Variants in COL18A1 observed in about 807,000 individuals in gnomAD.
COL18A1 encodes collagen alpha-1(XVIII) chain.
Under a neutral mutation model 168.0 loss-of-function variants are expected in COL18A1, and 133 were observed. The observed-to-expected ratio is 0.79, with a 90% CI of 0.69 to 0.91. The LOEUF (loss-of-function observed/expected upper bound fraction) is 0.91, where lower values mean the gene tolerates loss of function less well. Among genes scored for constraint, COL18A1 ranks in the 40% least tolerant of loss-of-function variants. COL18A1 has a pLI of 0.00. For missense variants in COL18A1, 2,126 were observed against 1,925.4 expected, an observed-to-expected ratio of 1.10 and a Z score of -1.95; for synonymous variants, 949 against 809.0, an observed-to-expected ratio of 1.17 and a Z score of -2.94.
At chr21:45,479,025 A>T (rs774469345) in intron 9 of COL18A1, among the ~76,000 whole-genome samples, 1 of 152,150 alleles carries the variant, frequency 6.6e-6, no homozygotes, top group Non-Finnish European at 1.5e-5. Flanking sequence ...GACAAAGGAC[A>T]GTCGGCTGGG....
chr21:45,493,977 T>A (rs1370870372), intron 26 of COL18A1: 1 of 277,294 alleles, frequency 3.6e-6, no homozygotes, highest in African/African-American at 2.2e-5. Context: ...GGGCCCGGAG[T>A]CAGTTCCTCA....
At position 45,490,840 on chromosome 21, in the gene COL18A1, C is replaced by A. The variant is rs1303924230; in HGVS notation, c.2036C>A (p.Pro679Gln). ...ATTTCCTTCCTGTCTCTCCAGGGGC[C>A]AAAGGGAGACAGAGGCAGCCGGGGA... ...GREGIAGPQG[P>Q]KGDRGSRGEK... The change falls in exon 21 of 42, where the codon CCA becomes CAA. Residue 679 changes from proline to glutamine, a missense_variant. Pro to Gln is a moderately conservative substitution (Grantham distance 76). Coordinates refer to ENST00000651438, the MANE Select transcript of COL18A1 (RefSeq NM_001379500.1). 1.9e-6 allele frequency: 3 copies of A among 1,550,102 alleles called. No individual in the cohort carries two copies. In the East Asian group the frequency reaches 7.3e-5, roughly 38 times the overall value.
In COL18A1 at chr21:45,512,864, A is replaced by G; in HGVS notation, c.*466A>G. The G allele has an allele frequency of 3.9e-6, 1 of 258,946 alleles. No individual in the cohort carries two copies. Among genetic ancestry groups the G allele is most frequent in the South Asian group, 4.2e-5 (1 of 23,542 alleles). 16.0% of individuals were successfully genotyped at this position (258,946 alleles called of 1,614,324 possible). ...GGGAGCTGAGGCCACACTCAGCACA[A>G]GGCCATCTGGGCTCCTCCAGGGTGT... On this transcript the variant is annotated 3_prime_UTR_variant, in exon 42 of 42. Coordinates refer to ENST00000651438, the MANE Select transcript of COL18A1 (RefSeq NM_001379500.1).
At chr21:45,503,933 C>T in intron 32 of COL18A1, 78 bp from the exon 33 acceptor site, 1 of 1,535,710 alleles carries the variant, frequency 6.5e-7, no homozygotes, top group Non-Finnish European at 9.0e-7. Context: ...GCAAACCCAC[C>T]AGTGCTGGGG....
chr21:45,494,543 A>G lies in COL18A1; in HGVS notation c.2353-2A>G. 6.2e-7 allele frequency: 1 copy of G among 1,613,352 alleles called. No individual in the cohort carries two copies. Among genetic ancestry groups the G allele is most frequent in the Non-Finnish European group, 8.5e-7 (1 of 1,179,954 alleles). On this transcript the variant is annotated splice_acceptor_variant, in intron 26 of 41. Coordinates refer to ENST00000651438, the MANE Select transcript of COL18A1 (RefSeq NM_001379500.1). LOFTEE classifies it high-confidence loss of function. ...ACCCTGTCTTCTTGTTTTTTTGCTC[A>G]GGGAGAGCCGGGCTTCCGAGGACCC...
At position 45,498,095 on chromosome 21, in the gene COL18A1, C is replaced by T; in HGVS notation, c.2683+434C>T. ...CAGGCCGTCTGGAGGGTGAGCCCAGCACCCCTGCTCCCCCAAAGGACAAGA... is the reference window on the plus strand; with the variant it reads ...CAGGCCGTCTGGAGGGTGAGCCCAGTACCCCTGCTCCCCCAAAGGACAAGA... On this transcript the variant is annotated intron_variant, in intron 32 of 41. Transcript: ENST00000651438. This position sits in a 1 kb window ranked among gnomAD's most constrained non-coding sequence, Gnocchi z 4.5. 3.2e-6 allele frequency: 2 copies of T among 617,518 alleles called. No individual in the cohort carries two copies. The highest frequency in any genetic ancestry group is 3.8e-5 in the South Asian group (2 of 52,944). The allele number at this position is 617,518 out of a possible 1,614,324, so 38.3% of individuals were successfully genotyped here. A position where few individuals can be genotyped will look rare whatever the true frequency, so the allele number is the denominator to read the frequency against.
intron 6 of COL18A1, 143 bp from the exon 7 acceptor site, chr21:45,477,268 G>A (rs549200451): frequency 2.1e-5 from 14 of 682,872 alleles, no homozygotes; most frequent in Middle Eastern, 3.8e-4. Context: ...AGGGGAGTGC[G>A]GCCTGAGGCT....
At chr21:45,502,149 C>T (rs1302322504) in intron 32 of COL18A1, among the ~76,000 whole-genome samples, 2 of 152,220 alleles carry the variant, frequency 1.3e-5, no homozygotes, top group Non-Finnish European at 2.9e-5. Context: ...AGAGGGAGCA[C>T]GGGTCCTGAC....
At chr21:45,467,618 T>A (rs999226845) in intron 2 of COL18A1, among the ~76,000 whole-genome samples, 1 of 152,162 alleles carries the variant, frequency 6.6e-6, no homozygotes, top group East Asian at 1.9e-4. Context: ...AGGCAGCCAC[T>A]CTGGGCGACG....
chr21:45,506,967 T>TA, intron 37 of COL18A1: 1 of 267,740 alleles, frequency 3.7e-6, no homozygotes, highest in South Asian at 3.7e-5. Context: ...GTGCCAGGTG[T>TA]GCTTGTAGGC....
intron 2 of COL18A1, among the ~76,000 whole-genome samples, chr21:45,418,514 C>T (rs761118716): frequency 3.3e-5 from 5 of 152,126 alleles, no homozygotes; most frequent in African/African-American, 7.2e-5. Context: ...GGCGCTTGCC[C>T]GGTCACTTGT....
At chr21:45,503,424 G>T (rs2036972743) in intron 32 of COL18A1, among the ~76,000 whole-genome samples, 1 of 151,860 alleles carries the variant, frequency 6.6e-6, no homozygotes, top group Non-Finnish European at 1.5e-5. Context: ...GGTTGTTTGT[G>T]GCACATATAC....
chr21:45,440,973 A>C (rs1282531711), intron 2 of COL18A1, among the ~76,000 whole-genome samples: 1 of 152,192 alleles, frequency 6.6e-6, no homozygotes, highest in African/African-American at 2.4e-5. Context: ...GCTCACTCAT[A>C]GGAGGCTCAG....
intron 22 of COL18A1, among the ~76,000 whole-genome samples, chr21:45,492,039 G>A (rs765839211): frequency 6.6e-6 from 1 of 152,226 alleles, no homozygotes; most frequent in Non-Finnish European, 1.5e-5. Flanking sequence ...TAACCCTTGT[G>A]CTCCAGCTCC....
At chr21:45,428,653 T>TC (rs2033872786) in intron 2 of COL18A1, among the ~76,000 whole-genome samples, 1 of 152,050 alleles carries the variant, frequency 6.6e-6, no homozygotes, top group Non-Finnish European at 1.5e-5. Context: ...AACCTGCGAG[T>TC]CCACTTTCCA....
At chr21:45,445,240 C>T (rs2034479567) in intron 2 of COL18A1, among the ~76,000 whole-genome samples, 2 of 152,222 alleles carry the variant, frequency 1.3e-5, no homozygotes, top group African/African-American at 4.8e-5. Context: ...GCTTCTTCCC[C>T]TCGGCCTGTG....
rs2146075478 is a variant in COL18A1 at position 45,504,554 on chromosome 21, C to T, written c.2866C>T (p.Pro956Ser). 2.5e-6 allele frequency: 4 copies of T among 1,570,466 alleles called. No homozygotes were observed. Among genetic ancestry groups the T allele is most frequent in the Non-Finnish European group, 1.7e-6 (2 of 1,159,088 alleles). Residue 956 changes from proline (P) to serine (S), a missense_variant and splice_region_variant, in exon 34 of 42, where the codon CCA becomes TCA. Coordinates refer to ENST00000651438, the MANE Select transcript of COL18A1 (RefSeq NM_001379500.1). ...PPGPRGYPGI[P>S]GPKGESIRGQ... Reference sequence around the variant, plus strand: ...AGGCCCACGTGGCTACCCTGGGATTCCAGTAAGTCCCAGCCTGTGCAGGCA... The same window carrying T: ...AGGCCCACGTGGCTACCCTGGGATTTCAGTAAGTCCCAGCCTGTGCAGGCA...
chr21:45,431,916 T>C (rs1035008323), intron 2 of COL18A1, among the ~76,000 whole-genome samples: 4 of 152,092 alleles, frequency 2.6e-5, no homozygotes, highest in Admixed American at 6.5e-5. Context: ...CTGGTTTGGT[T>C]TGCACTTGCT....
chr21:45,452,645 T>A (rs1467570501), intron 2 of COL18A1, among the ~76,000 whole-genome samples: 1 of 151,860 alleles, frequency 6.6e-6, no homozygotes, highest in Non-Finnish European at 1.5e-5. Flanking sequence ...CATGTGTGTG[T>A]GAGCTTGTGT....
Sources: allele counts gnomAD v4.1 joint callset (sites outside exome capture counted in the v4.1 genomes callset), GRCh38; gene constraint gnomAD v4.1.1; non-coding constraint Gnocchi (gnomAD v3.1); transcripts MANE v1.5; gene names NCBI Gene and HGNC (gene_info 2026-07-23, HGNC 2026-07-21).